Variants in ROBO2 observed in about 807,000 individuals in gnomAD.
ROBO2 encodes roundabout homolog 2.
A neutral mutation model predicts 160.8 loss-of-function variants in ROBO2; 53 were observed. That is an observed-to-expected ratio of 0.33 (90% confidence interval 0.26 to 0.41). The LOEUF is 0.41. Among genes scored for constraint, ROBO2 ranks in the 10% least tolerant of loss-of-function variants. The pLI, the probability that ROBO2 is intolerant of heterozygous loss-of-function variation, is 1.00. For synonymous variants in ROBO2, 664 were observed against 611.7 expected, an observed-to-expected ratio of 1.09 and a Z score of -1.26; for missense variants, 1,577 against 1,722.4, an observed-to-expected ratio of 0.92 and a Z score of 1.49.
At chr3:76,249,039 GA>G (rs1705815828) in intron 2 of ROBO2, among the ~76,000 whole-genome samples, 1 of 152,124 alleles carries the variant, frequency 6.6e-6, no homozygotes, top group Non-Finnish European at 1.5e-5. Context: ...GAAGTGGAAT[GA>G]AAAACTGGGA....
At chr3:76,218,109 A>T (rs1161450337) in intron 2 of ROBO2, among the ~76,000 whole-genome samples, 1 of 152,230 alleles carries the variant, frequency 6.6e-6, no homozygotes, top group South Asian at 2.1e-4. Flanking sequence ...ACGAAATTCA[A>T]CAGCCCTTCA....
At chr3:77,646,117 G>A in exon 26 of ROBO2, 1 of 1,362,366 alleles carries the variant, frequency 7.3e-7, no homozygotes, top group Non-Finnish European at 1.0e-6. Context: ...TCATGGAAGT[G>A]ATGACTCTAA....
chr3:77,240,191 G>A (rs2088790158), intron 2 of ROBO2, among the ~76,000 whole-genome samples: 1 of 152,156 alleles, frequency 6.6e-6, no homozygotes, highest in Non-Finnish European at 1.5e-5. Flanking sequence ...CACCACAGTG[G>A]CACTCGGGCA....
chr3:77,166,999 G>C (rs1488631634), intron 2 of ROBO2, among the ~76,000 whole-genome samples: 1 of 152,136 alleles, frequency 6.6e-6, no homozygotes, highest in Non-Finnish European at 1.5e-5. Context: ...CACTTACATG[G>C]TTCAGCATCT....
At chr3:77,214,806 C>T (rs1041797189) in intron 2 of ROBO2, among the ~76,000 whole-genome samples, 1 of 152,164 alleles carries the variant, frequency 6.6e-6, no homozygotes, top group African/African-American at 2.4e-5. Context: ...ATTTGCTCGT[C>T]TGTAAAGTAT....
At chr3:77,312,647 A>G (rs1263159863) in intron 2 of ROBO2, among the ~76,000 whole-genome samples, 1 of 152,228 alleles carries the variant, frequency 6.6e-6, no homozygotes, top group Non-Finnish European at 1.5e-5. Context: ...TTCTTAGGCC[A>G]TAAAGATCCC....
chr3:76,496,947 T>G (rs1023522086), intron 2 of ROBO2, among the ~76,000 whole-genome samples: 4 of 152,158 alleles, frequency 2.6e-5, no homozygotes, highest in Admixed American at 2.6e-4. Context: ...AATGAACCTT[T>G]TAATAGCCAA....
exon 19 of ROBO2, chr3:77,596,705 A>T (rs1237107010): frequency 6.2e-7 from 1 of 1,613,812 alleles, no homozygotes; most frequent in Non-Finnish European, 8.5e-7. Flanking sequence ...GCCAGTAAAT[A>T]ATAGCAACAG....
At chr3:76,957,545 C>T (rs1306717481) in intron 2 of ROBO2, among the ~76,000 whole-genome samples, 1 of 151,882 alleles carries the variant, frequency 6.6e-6, no homozygotes, top group Non-Finnish European at 1.5e-5. Context: ...AAAAGTAATA[C>T]AATTAGGCCG....
At chr3:76,833,148 A>G (rs763490460) in intron 2 of ROBO2, among the ~76,000 whole-genome samples, 3 of 152,182 alleles carry the variant, frequency 2.0e-5, no homozygotes, top group African/African-American at 7.2e-5. Context: ...GGGACTCTGA[A>G]GAAGTAATTT....
At chr3:76,388,164 T>G (rs998389768) in intron 2 of ROBO2, among the ~76,000 whole-genome samples, 1 of 151,638 alleles carries the variant, frequency 6.6e-6, no homozygotes, top group Non-Finnish European at 1.5e-5. Flanking sequence ...TGTTATAATT[T>G]TAACTTTTAG....
At chr3:76,023,444 G>A (rs1023718068) in intron 2 of ROBO2, among the ~76,000 whole-genome samples, 1 of 151,544 alleles carries the variant, frequency 6.6e-6, no homozygotes, top group East Asian at 1.9e-4. Context: ...CCATTGTAGG[G>A]TTATTAATTG....
chr3:76,328,016 G>A (rs1273305807), intron 2 of ROBO2, among the ~76,000 whole-genome samples: 3 of 151,124 alleles, frequency 2.0e-5, no homozygotes, highest in Non-Finnish European at 3.0e-5. Flanking sequence ...GTTTCAAAGG[G>A]GAAAAAAAAA....
chr3:76,157,606 C>A (rs1253460585), intron 2 of ROBO2, among the ~76,000 whole-genome samples: 1 of 152,034 alleles, frequency 6.6e-6, no homozygotes, highest in Non-Finnish European at 1.5e-5. Flanking sequence ...GGGGGGGCTG[C>A]AAATGCTTTA....
At chr3:76,195,019 G>GT (rs200739146) in intron 2 of ROBO2, among the ~76,000 whole-genome samples, 4,719 of 152,000 alleles carry the variant, frequency 0.031, 173 homozygotes, top group African/African-American at 0.086. Context: ...CAGTTTGTCA[G>GT]TTTTTTTTCC....
chr3:76,289,957 T>A (rs1010131685), intron 2 of ROBO2, among the ~76,000 whole-genome samples: 1 of 152,202 alleles, frequency 6.6e-6, no homozygotes, highest in Non-Finnish European at 1.5e-5. Context: ...TTGCTTAGGA[T>A]TTATTTGATT....
At chr3:76,380,627 T>C (rs1449349720) in intron 2 of ROBO2, among the ~76,000 whole-genome samples, 1 of 152,160 alleles carries the variant, frequency 6.6e-6, no homozygotes. Context: ...ATATAACATA[T>C]AAAATACGTG....
chr3:76,060,804 T>TAACTTGGAA (rs113136673), intron 2 of ROBO2, among the ~76,000 whole-genome samples: 3,116 of 152,312 alleles, frequency 0.02, 43 homozygotes, highest in East Asian at 0.08. Context: ...CTGTGACTCT[T>TAACTTGGAA]AACTTGGAAA....
At chr3:76,850,708 CT>C (rs1226994729) in intron 2 of ROBO2, among the ~76,000 whole-genome samples, 1 of 152,078 alleles carries the variant, frequency 6.6e-6, no homozygotes, top group East Asian at 1.9e-4. Flanking sequence ...TCTGGATCTG[CT>C]TTCAAGCAGT....
Sources: gnomAD v4.1 joint callset for allele counts (sites outside exome capture counted in the v4.1 genomes callset) on GRCh38, gnomAD v4.1.1 for gene constraint, MANE v1.5 for transcripts, NCBI Gene and HGNC (gene_info 2026-07-23, HGNC 2026-07-21) for gene names.